Variants in HMG20A observed in about 807,000 individuals in gnomAD.
The protein encoded by HMG20A is high mobility group protein 20A.
Under a neutral mutation model 43.9 loss-of-function variants are expected in HMG20A, and 17 were observed. The observed-to-expected ratio is 0.39, with a 90% CI of 0.27 to 0.58. HMG20A has a LOEUF of 0.58. HMG20A is among the 20% of genes least tolerant of loss of function. The probability of loss-of-function intolerance (pLI) is 0.59; values close to 1 mark genes in which losing one functional copy is unlikely to be tolerated. For synonymous variants in HMG20A, 132 were observed against 147.5 expected (o/e 0.89, Z 0.76); for missense variants, 341 against 438.2 (o/e 0.78, Z 1.98).
chr15:77,476,241 G>A (rs2072853817), intron 6 of HMG20A, among the ~76,000 whole-genome samples: 1 of 152,090 alleles, frequency 6.6e-6, no homozygotes, highest in African/African-American at 2.4e-5. Flanking sequence ...CAGCACTTTG[G>A]GAGGCCAAGG....
At chr15:77,470,118 G>A in intron 4 of HMG20A, among the ~76,000 whole-genome samples, 1 of 152,158 alleles carries the variant, frequency 6.6e-6, no homozygotes, top group East Asian at 1.9e-4. Context: ...ACCAGATTTG[G>A]CCAGTTGAGT....
chr15:77,458,103 CT>C (rs1469248308), intron 1 of HMG20A: 1 of 229,498 alleles, frequency 4.4e-6, no homozygotes, highest in African/African-American at 2.3e-5. Flanking sequence ...TTAACAATTT[CT>C]ACAGGAAATG....
chr15:77,487,588 T>G (rs2072952219), downstream of HMG20A, among the ~76,000 whole-genome samples: 1 of 152,208 alleles, frequency 6.6e-6, no homozygotes, highest in South Asian at 2.1e-4. Context: ...AAAATCAACA[T>G]AAACAGGTGG....
chr15:77,514,301 G>A, the HMG20A span, among the ~76,000 whole-genome samples: 1 of 152,106 alleles, frequency 6.6e-6, no homozygotes, highest in Non-Finnish European at 1.5e-5. Context: ...AATAATCCAG[G>A]CACAAAAGAA....
chr15:77,439,015 G>A (rs778855151), intron 1 of HMG20A, among the ~76,000 whole-genome samples: 14 of 151,772 alleles, frequency 9.2e-5, no homozygotes, highest in Non-Finnish European at 1.3e-4. Context: ...GGATAGTCTC[G>A]ATCTCCTTAC....
chr15:77,502,725 C>T, the HMG20A span, among the ~76,000 whole-genome samples: 4 of 152,008 alleles, frequency 2.6e-5, no homozygotes, highest in East Asian at 3.9e-4. Context: ...CCCAGCACTT[C>T]GAGAGGCCAA....
chr15:77,508,802 G>C, the HMG20A span, among the ~76,000 whole-genome samples: 1 of 152,248 alleles, frequency 6.6e-6, no homozygotes, highest in African/African-American at 2.4e-5. Flanking sequence ...CCAGAATGCT[G>C]TAAGACTTCC....
the HMG20A span, among the ~76,000 whole-genome samples, chr15:77,496,477 A>G: frequency 6.6e-6 from 1 of 152,160 alleles, no homozygotes; most frequent in Non-Finnish European, 1.5e-5. Context: ...TTGTTTGCAC[A>G]TACCTTTGGT....
chr15:77,423,629 A>G (rs1214499369), intron 1 of HMG20A, among the ~76,000 whole-genome samples: 4 of 152,218 alleles, frequency 2.6e-5, no homozygotes, highest in African/African-American at 2.4e-5. Context: ...AGTTTGAAAT[A>G]TTAAAACCGT....
At chr15:77,435,753 C>A (rs1386869754) in intron 1 of HMG20A, among the ~76,000 whole-genome samples, 1 of 152,114 alleles carries the variant, frequency 6.6e-6, no homozygotes, top group Non-Finnish European at 1.5e-5. Context: ...CTAATAACTT[C>A]CATGTTGTCA....
At chr15:77,476,928 T>A (rs2072861987) in intron 6 of HMG20A, among the ~76,000 whole-genome samples, 1 of 152,208 alleles carries the variant, frequency 6.6e-6, no homozygotes, top group Non-Finnish European at 1.5e-5. Flanking sequence ...GTTTGCTTTC[T>A]AATTTTTAGA....
downstream of HMG20A, among the ~76,000 whole-genome samples, chr15:77,487,765 C>CT (rs1301355255): frequency 6.6e-6 from 1 of 152,204 alleles, no homozygotes; most frequent in East Asian, 1.9e-4. Context: ...TGCCTTGCAA[C>CT]TGAGAGTTCC....
intron 1 of HMG20A, among the ~76,000 whole-genome samples, chr15:77,444,058 A>G (rs1159277240): frequency 6.6e-6 from 1 of 152,162 alleles, no homozygotes; most frequent in East Asian, 1.9e-4. Context: ...TTTCTCATAA[A>G]TGTTTCATTG....
At chr15:77,495,231 G>A in the HMG20A span, among the ~76,000 whole-genome samples, 1 of 152,164 alleles carries the variant, frequency 6.6e-6, no homozygotes, top group Non-Finnish European at 1.5e-5. Flanking sequence ...CTGACTCCAG[G>A]CTGCAGGCCC....
chr15:77,465,978 T>TGA (rs1211130378), intron 3 of HMG20A, among the ~76,000 whole-genome samples: 1 of 152,228 alleles, frequency 6.6e-6, no homozygotes, highest in East Asian at 1.9e-4. Context: ...AAGGCTGTGG[T>TGA]GAAACATCAG....
At chr15:77,495,452 G>A in the HMG20A span, among the ~76,000 whole-genome samples, 2 of 152,200 alleles carry the variant, frequency 1.3e-5, no homozygotes, top group African/African-American at 4.8e-5. Flanking sequence ...GGGAGGCTGA[G>A]GCAAGAGAAT....
chr15:77,430,423 A>ATT (rs1277082440), intron 1 of HMG20A, among the ~76,000 whole-genome samples: 4 of 152,240 alleles, frequency 2.6e-5, no homozygotes, highest in Non-Finnish European at 5.9e-5. Context: ...AATTAAAAAG[A>ATT]AAAGTGAAGG....
At chr15:77,505,699 C>A in the HMG20A span, among the ~76,000 whole-genome samples, 1 of 152,244 alleles carries the variant, frequency 6.6e-6, no homozygotes, top group African/African-American at 2.4e-5. Flanking sequence ...GTGATGCATG[C>A]AAGGATATAA....
chr15:77,443,920 C>T (rs1318341850), intron 1 of HMG20A, among the ~76,000 whole-genome samples: 2 of 151,886 alleles, frequency 1.3e-5, no homozygotes, highest in East Asian at 1.9e-4. Context: ...CATGTTGCCC[C>T]GGCTGGTCTC....
Sources: allele counts gnomAD v4.1 joint callset (sites outside exome capture counted in the v4.1 genomes callset), GRCh38; gene constraint gnomAD v4.1.1; transcripts MANE v1.5; gene names NCBI Gene and HGNC (gene_info 2026-07-23, HGNC 2026-07-21).